AKAP6: variants seen among roughly 807,000 people sequenced by gnomAD.
The protein encoded by AKAP6 is A-kinase anchor protein 6.
Under a neutral mutation model 188.5 loss-of-function variants are expected in AKAP6, and 58 were observed. That is an observed-to-expected ratio of 0.31 (90% CI 0.25 to 0.38). The LOEUF is 0.38. Among genes scored for constraint, AKAP6 ranks in the 10% least tolerant of loss-of-function variants. The pLI, the probability that AKAP6 is intolerant of heterozygous loss-of-function variation, is 1.00. For missense variants in AKAP6, 2,710 were observed against 2,740.0 expected, an observed-to-expected ratio of 0.99 and a Z score of 0.24; for synonymous variants, 989 against 998.6, an observed-to-expected ratio of 0.99 and a Z score of 0.18.
chr14:32,379,959 A>G (rs1421491929), intron 1 of AKAP6, among the ~76,000 whole-genome samples: 10 of 152,160 alleles, frequency 6.6e-5, no homozygotes, highest in African/African-American at 2.4e-4. Context: ...CTAGTCACTT[A>G]TCACATCTTG....
At chr14:32,346,710 A>G (rs9322893) in intron 1 of AKAP6, among the ~76,000 whole-genome samples, 2 of 152,010 alleles carry the variant, frequency 1.3e-5, no homozygotes, top group South Asian at 2.1e-4. Context: ...GGGTTTCACC[A>G]TGTTAGCCAG....
chr14:32,409,893 T>C (rs1001997971), intron 1 of AKAP6, among the ~76,000 whole-genome samples: 5 of 152,106 alleles, frequency 3.3e-5, no homozygotes, highest in African/African-American at 1.2e-4. Flanking sequence ...TTTTTTCTTA[T>C]TTTGCCCAAA....
intron 2 of AKAP6, among the ~76,000 whole-genome samples, chr14:32,521,271 G>T (rs576227765): frequency 6.6e-6 from 1 of 151,874 alleles, no homozygotes; most frequent in South Asian, 2.1e-4. Context: ...CTTTGAAAAC[G>T]GGCACCAGAC....
intron 1 of AKAP6, among the ~76,000 whole-genome samples, chr14:32,407,181 G>A (rs1889323329): frequency 6.6e-6 from 1 of 152,010 alleles, no homozygotes; most frequent in Non-Finnish European, 1.5e-5. Flanking sequence ...CCCCTTCTTG[G>A]CTACCCCTGT....
intron 8 of AKAP6, among the ~76,000 whole-genome samples, chr14:32,687,369 G>A (rs1352241703): frequency 1.3e-5 from 2 of 150,438 alleles, no homozygotes; most frequent in Admixed American, 1.3e-4. Context: ...TGAGCAGCAT[G>A]CCAAAATATT....
intron 2 of AKAP6, 70 bp downstream of exon 2, chr14:32,433,887 C>A (rs1028195733): frequency 5.6e-6 from 8 of 1,426,818 alleles, no homozygotes; most frequent in African/African-American, 1.4e-5. Context: ...AGACTGTGTT[C>A]TGTAATTTCC....
intron 2 of AKAP6, among the ~76,000 whole-genome samples, chr14:32,436,960 A>G (rs141309598): frequency 2.0e-5 from 3 of 152,278 alleles, no homozygotes; most frequent in African/African-American, 4.8e-5. Flanking sequence ...AAATGAGGTC[A>G]TGTCACTTCC....
At chr14:32,475,065 A>G (rs1878988018) in intron 2 of AKAP6, among the ~76,000 whole-genome samples, 1 of 152,220 alleles carries the variant, frequency 6.6e-6, no homozygotes, top group Admixed American at 6.5e-5. Context: ...ATACAAAGGA[A>G]TGTACATCTC....
In AKAP6 at chr14:32,546,638, C is replaced by T; in HGVS notation, c.1985C>T (p.Thr662Ile). 1 of 1,614,106 alleles carries T rather than the reference C, an allele frequency of 6.2e-7. No homozygotes were observed. The highest frequency in any genetic ancestry group is 8.5e-7 in the Non-Finnish European group (1 of 1,180,004). Reference protein sequence around the residue: ...KLLPQKPRGETIQNIDDWELS... With the variant: ...KLLPQKPRGEIIQNIDDWELS... The stretch of plus-strand genomic sequence containing the variant: ...CTGCCTCAGAAACCCAGAGGAGAAA[C>T]CATCCAGAATATTGATGACTGGGAA... Residue 662 changes from threonine (T) to isoleucine (I), a missense_variant, in exon 4 of 14, where the codon ACC becomes ATC. Coordinates refer to ENST00000280979, the MANE Select transcript of AKAP6 (RefSeq NM_004274.5).
intron 1 of AKAP6, among the ~76,000 whole-genome samples, chr14:32,426,086 C>CATTT (rs1318158501): frequency 6.6e-6 from 1 of 152,152 alleles, no homozygotes; most frequent in Non-Finnish European, 1.5e-5. Context: ...ATCCCAGCAC[C>CATTT]ATTTATTAAG....
chr14:32,762,777 T>C (rs187890907), intron 11 of AKAP6, among the ~76,000 whole-genome samples: 1 of 152,230 alleles, frequency 6.6e-6, no homozygotes, highest in Admixed American at 6.5e-5. Context: ...GAATTTACAG[T>C]ATTAATTAAT....
intron 1 of AKAP6, among the ~76,000 whole-genome samples, chr14:32,430,433 T>C (rs1890179381): frequency 6.6e-6 from 1 of 152,212 alleles, no homozygotes; most frequent in Admixed American, 6.5e-5. Flanking sequence ...AGTGTGTTTT[T>C]TAGTTTACGG....
At chr14:32,331,395 G>A (rs1345609432) in intron 1 of AKAP6, among the ~76,000 whole-genome samples, 1 of 152,014 alleles carries the variant, frequency 6.6e-6, no homozygotes, top group African/African-American at 2.4e-5. Flanking sequence ...GGGCGCTGGT[G>A]GGTGTGGACT....
intron 7 of AKAP6, among the ~76,000 whole-genome samples, chr14:32,622,659 T>G (rs1437049644): frequency 1.3e-5 from 2 of 152,132 alleles, no homozygotes; most frequent in Admixed American, 1.3e-4. Context: ...ACAAATAATG[T>G]TCTATACAAC....
At chr14:32,714,759 T>C (rs1227047712) in intron 9 of AKAP6, among the ~76,000 whole-genome samples, 1 of 151,996 alleles carries the variant, frequency 6.6e-6, no homozygotes, top group African/African-American at 2.4e-5. Flanking sequence ...ACATTTCCAT[T>C]GAAACTAAGT....
intron 7 of AKAP6, among the ~76,000 whole-genome samples, chr14:32,676,156 C>T (rs11622177): frequency 2.0e-5 from 3 of 151,932 alleles, no homozygotes; most frequent in East Asian, 1.9e-4. Flanking sequence ...GTATAATACT[C>T]GTTAAACTTT....
chr14:32,786,143 G>T (rs2033394127), intron 12 of AKAP6, among the ~76,000 whole-genome samples: 2 of 151,868 alleles, frequency 1.3e-5, no homozygotes, highest in African/African-American at 4.8e-5. Flanking sequence ...TTCCACAAAT[G>T]CCAGCAGCGT....
At chr14:32,681,854 A>G (rs779260109) in intron 8 of AKAP6, among the ~76,000 whole-genome samples, 23 of 151,834 alleles carry the variant, frequency 1.5e-4, no homozygotes, top group Non-Finnish European at 2.2e-4. Flanking sequence ...GATTTTTTGT[A>G]CTTTTAGTGG....
At chr14:32,543,230 T>C (rs533197529) in intron 3 of AKAP6, among the ~76,000 whole-genome samples, 2 of 152,346 alleles carry the variant, frequency 1.3e-5, no homozygotes, top group East Asian at 3.9e-4. Context: ...TAGTAACTAC[T>C]ATTCTGCTTT....
Sources: gnomAD v4.1 joint callset for allele counts (sites outside exome capture counted in the v4.1 genomes callset) on GRCh38, gnomAD v4.1.1 for gene constraint, MANE v1.5 for transcripts, NCBI Gene and HGNC (gene_info 2026-07-23, HGNC 2026-07-21) for gene names.